Variants in ECT2 observed in about 807,000 individuals in gnomAD.
The protein encoded by ECT2 is protein ECT2.
A neutral mutation model predicts 116.9 loss-of-function variants in ECT2; 61 were observed. The observed-to-expected ratio is 0.52, with a 90% CI of 0.42 to 0.65. ECT2 has a LOEUF of 0.65. Ranked by LOEUF, ECT2 falls within the 30% of genes least tolerant of loss-of-function variation. The pLI, the probability that ECT2 is intolerant of heterozygous loss-of-function variation, is 0.00. For missense variants in ECT2, 937 were observed against 1,078.7 expected, an observed-to-expected ratio of 0.87 and a Z score of 1.84; for synonymous variants, 358 against 346.4, an observed-to-expected ratio of 1.03 and a Z score of -0.37.
chr3:172,805,618 A>C (rs533189373), intron 20 of ECT2, 113 bp from the exon 21 acceptor site: 5 of 1,051,694 alleles, frequency 4.8e-6, no homozygotes, highest in Non-Finnish European at 6.7e-6. Flanking sequence ...GTAACGAATA[A>C]TAACTAAATA....
intron 14 of ECT2, among the ~76,000 whole-genome samples, chr3:172,779,751 A>G (rs1722359555): frequency 6.6e-6 from 1 of 152,178 alleles, no homozygotes; most frequent in Admixed American, 6.5e-5. Context: ...GCAAAAAATA[A>G]AACAGCTGGC....
At chr3:172,771,187 G>A (rs888374975) in intron 13 of ECT2, 2 of 151,990 alleles carry the variant, frequency 1.3e-5, no homozygotes, top group Non-Finnish European at 2.9e-5. Flanking sequence ...TAGATTAGCT[G>A]TACTATCATT....
rs144346343 is a variant in ECT2, at chr3:172,755,309, A to G, written c.145A>G (p.Ile49Val). Residue 49 changes from isoleucine (I) to valine (V), a missense_variant, in exon 3 of 25, where the codon ATT (isoleucine) becomes GTT (valine). Coordinates refer to ENST00000392692, the MANE Select transcript of ECT2 (RefSeq NM_001258315.2). ...CATTTTAACAGAAGAGATGCCTCAG[A>G]TTGAAACAAGAGTGATATTGGTTCA... is the stretch of plus-strand genomic sequence containing the variant. ...TSYVEEEMPQ[I>V]ETRVILVQEA... 16 of 1,604,032 alleles carry G rather than the reference A, an allele frequency of 1.0e-5. No homozygotes were observed. In the African/African-American group the frequency reaches 1.2e-4, roughly 12 times the overall value.
chr3:172,778,564 C>T (rs1722151013), intron 14 of ECT2, among the ~76,000 whole-genome samples: 1 of 139,278 alleles, frequency 7.2e-6, no homozygotes, highest in Non-Finnish European at 1.6e-5. Flanking sequence ...TTCTTTATTA[C>T]TTAGTTCCTG....
At chr3:172,823,059 G>A (rs918619645), downstream of ECT2, among the ~76,000 whole-genome samples, 3 of 152,002 alleles carry the variant, frequency 2.0e-5, no homozygotes, top group South Asian at 2.1e-4. Flanking sequence ...CTCACAGAGC[G>A]TTATAGTCAG....
intron 12 of ECT2, among the ~76,000 whole-genome samples, chr3:172,767,803 C>T (rs537655891): frequency 1.4e-3 from 215 of 151,678 alleles, no homozygotes; most frequent in African/African-American, 5.0e-3. Context: ...AGGATCTAGG[C>T]TCACTGCAAC....
At chr3:172,792,289 C>T (rs1488618840) in intron 18 of ECT2, among the ~76,000 whole-genome samples, 1 of 152,130 alleles carries the variant, frequency 6.6e-6, no homozygotes, top group African/African-American at 2.4e-5. Flanking sequence ...CATGATAGAC[C>T]TACTTGACAC....
chr3:172,753,532 A>G (rs1170118728), intron 1 of ECT2, among the ~76,000 whole-genome samples: 1 of 152,210 alleles, frequency 6.6e-6, no homozygotes, highest in Non-Finnish European at 1.5e-5. Context: ...TGTTTTGTCA[A>G]ACCTTTTAGG....
At position 172,815,607 on chromosome 3, in the gene ECT2, A is replaced by C; in HGVS notation, c.2404A>C (p.Asn802His). The stretch of plus-strand genomic sequence containing the variant: ...AAAAAGTATTATTTTTCAATAGGAG[A>C]ATCTTATTTATACTGCTGATCCAGA... ...ANTICKADAENLIYTADPESF... is the reference protein window; with the variant it reads ...ANTICKADAEHLIYTADPESF... Residue 802 changes from asparagine to histidine, a missense_variant, in exon 23 of 25, where the codon AAT becomes CAT. Transcript: ENST00000392692. 6.4e-7 allele frequency: 1 copy of C among 1,552,086 alleles called. No individual in the cohort carries two copies. Among genetic ancestry groups the C allele is most frequent in the East Asian group, 2.3e-5 (1 of 44,068 alleles).
In ECT2 at chr3:172,784,807, C is replaced by T. The variant is rs374602239; in HGVS notation, c.1825+4C>T. 5.2e-6 allele frequency: 8 copies of T among 1,534,942 alleles called. No individual in the cohort carries two copies. The African/African-American group carries it at 9.5e-5, about 18-fold the overall frequency. ...AGTGTTGCATTACTTTTAAATGGTACTTGTCTGATCTGTTTCAAACTACAT... is the reference window on the plus strand; with the variant it reads ...AGTGTTGCATTACTTTTAAATGGTATTTGTCTGATCTGTTTCAAACTACAT... On this transcript the variant is annotated splice_donor_region_variant and intron_variant, in intron 17 of 24. Transcript: ENST00000392692.
chr3:172,790,757 T>C lies in ECT2; in HGVS notation c.1907+4183T>C, dbSNP rs567851506. On this transcript the variant is annotated intron_variant, in intron 18 of 24. Coordinates refer to ENST00000392692, the MANE Select transcript of ECT2 (RefSeq NM_001258315.2). The stretch of plus-strand genomic sequence containing the variant: ...CATGAAAGCAAAATTAGTCTCCTTG[T>C]ACATCTCCATCAGAGCTCTTGGATG... 1.8e-4 allele frequency among the ~76,000 whole-genome samples: 27 copies of C among 152,366 alleles called. 1 individual carries two copies. In the South Asian group the frequency reaches 5.6e-3, roughly 32 times the overall value.
At chr3:172,764,565 G>A (rs1405520163) in intron 12 of ECT2, 65 bp downstream of exon 12, 1 of 1,427,222 alleles carries the variant, frequency 7.0e-7, no homozygotes. Flanking sequence ...TTAGAATTTA[G>A]ATAAATCCCT....
intron 7 of ECT2, among the ~76,000 whole-genome samples, chr3:172,760,984 G>A (rs1222867196): frequency 6.6e-6 from 1 of 152,120 alleles, no homozygotes; most frequent in Non-Finnish European, 1.5e-5. Context: ...GACTCCCAAA[G>A]TGGTGGGATT....
At chr3:172,828,591 A>G in the ECT2 span, 1 of 190,932 alleles carries the variant, frequency 5.2e-6, no homozygotes, top group East Asian at 1.4e-4. Context: ...CTATTCAATA[A>G]ATGGTGCTGA....
chr3:172,762,656 T>G, intron 9 of ECT2, 35 bp from the exon 10 acceptor site: 1 of 1,584,160 alleles, frequency 6.3e-7, no homozygotes, highest in Non-Finnish European at 8.6e-7. Flanking sequence ...AATAAGTAGC[T>G]TGGCTTATTT....
chr3:172,783,857 A>G lies in ECT2; in HGVS notation c.1676A>G (p.Glu559Gly), dbSNP rs1288096296. 1.2e-6 allele frequency: 2 copies of G among 1,607,942 alleles called. No homozygotes were observed. The highest frequency in any genetic ancestry group is 4.5e-5 in the East Asian group (2 of 44,568). The change falls in exon 16 of 25, where the codon GAA (glutamate) becomes GGA (glycine). Residue 559 changes from glutamate (E) to glycine (G), a missense_variant. Coordinates refer to ENST00000392692, the MANE Select transcript of ECT2 (RefSeq NM_001258315.2). ...PFVNFFEMSK[E>G]TIIKCEKQKP... ...GTAAACTTCTTTGAAATGAGCAAGG[A>G]AACAATTATTAAATGTGAAAAACAG...
rs184693394 is a variant in ECT2 at position 172,783,335 on chromosome 3, A to T, written c.1618-464A>T. Among the ~76,000 whole-genome samples the T allele has an allele frequency of 2.4e-3, 364 of 152,086 alleles. 2 individuals carry two copies. The highest frequency in any genetic ancestry group is 8.4e-3 in the African/African-American group (350 of 41,526). On this transcript the variant is annotated intron_variant, in intron 15 of 24. Transcript: ENST00000392692. Reference sequence around the variant, plus strand: ...TTAAAAATTTACAAATTATTTTCTCATTTTTTTGATAACCTTTTAATTTTC... The same window carrying T: ...TTAAAAATTTACAAATTATTTTCTCTTTTTTTTGATAACCTTTTAATTTTC...
At chr3:172,807,598 C>A in intron 21 of ECT2, 172 bp from the exon 22 acceptor site, 1 of 662,552 alleles carries the variant, frequency 1.5e-6, no homozygotes, top group Non-Finnish European at 2.5e-6. Flanking sequence ...GTTTTCAGTA[C>A]TTCAACTTAA....
chr3:172,803,672 TA>T (rs1727128567), intron 20 of ECT2, among the ~76,000 whole-genome samples: 1 of 152,214 alleles, frequency 6.6e-6, no homozygotes, highest in Non-Finnish European at 1.5e-5. Flanking sequence ...CAGACATTAA[TA>T]AGATGACTCA....
Sources: allele counts gnomAD v4.1 joint callset (sites outside exome capture counted in the v4.1 genomes callset), GRCh38; gene constraint gnomAD v4.1.1; transcripts MANE v1.5; gene names NCBI Gene and HGNC (gene_info 2026-07-23, HGNC 2026-07-21).